COL5A1: variants seen among roughly 807,000 people sequenced by gnomAD.
The protein encoded by COL5A1 is collagen alpha-1(V) chain.
A neutral mutation model predicts 263.7 loss-of-function variants in COL5A1; 16 were observed. That is an observed-to-expected ratio of 0.06 (90% CI 0.04 to 0.09). The LOEUF is 0.09. Among genes scored for constraint, COL5A1 ranks in the 10% least tolerant of loss-of-function variants. The pLI is 1.00. For missense variants in COL5A1, 2,036 were observed against 2,540.5 expected, an observed-to-expected ratio of 0.80 and a Z score of 4.27; for synonymous variants, 1,012 against 1,004.5, an observed-to-expected ratio of 1.01 and a Z score of -0.14.
At position 134,835,040 on chromosome 9, in the gene COL5A1, G is replaced by A. The variant is rs753339980; in HGVS notation, c.5206G>A (p.Ala1736Thr). The change falls in exon 65 of 66, where the codon GCC (alanine) becomes ACC (threonine). Residue 1736 changes from alanine to threonine, a missense_variant. Physicochemically the swap from Ala to Thr is moderately conservative, Grantham distance 58 (BLOSUM62 0). This residue lies in a region of COL5A1 where 358 missense variants were observed against 384.6 expected (regional missense o/e 0.93). Coordinates refer to ENST00000371817, the MANE Select transcript of COL5A1 (RefSeq NM_000093.5). ...VQMTFLRLLS[A>T]SAHQNVTYHC... ...GATGACCTTCCTGCGGCTGCTGAGC[G>A]CCTCTGCCCACCAGAACGTCACCTA... 2.0e-5 allele frequency: 33 copies of A among 1,613,336 alleles called. No individual in the cohort carries two copies. Among genetic ancestry groups the A allele is most frequent in the Middle Eastern group, 1.6e-4 (1 of 6,084 alleles).
chr9:134,843,156 T>C lies in COL5A1; in HGVS notation c.*853T>C, dbSNP rs1588622680. ...AGACAGTTTTTGATTCGCTCTAGACTTTTTTTTTTTTTAATAGGGAAAAAA... is the reference window on the plus strand; with the variant it reads ...AGACAGTTTTTGATTCGCTCTAGACCTTTTTTTTTTTTAATAGGGAAAAAA... On this transcript the variant is annotated 3_prime_UTR_variant, in exon 66 of 66. Coordinates refer to ENST00000371817, the MANE Select transcript of COL5A1 (RefSeq NM_000093.5). 1.6e-5 allele frequency: 1 copy of C among 64,362 alleles called. No individual in the cohort carries two copies. Among genetic ancestry groups the C allele is most frequent in the Admixed American group, 1.2e-4 (1 of 8,174 alleles). 4.0% of individuals were successfully genotyped at this position (64,362 alleles called of 1,614,324 possible).
intron 14 of COL5A1, among the ~76,000 whole-genome samples, chr9:134,753,223 T>C (rs12685475): frequency 0.21 from 31,842 of 152,202 alleles, 3,523 homozygotes; most frequent in East Asian, 0.34. Flanking sequence ...CACCCGCCCC[T>C]GCCCTGTGGC....
intron 9 of COL5A1, among the ~76,000 whole-genome samples, chr9:134,734,090 C>T (rs765520075): frequency 2.0e-5 from 3 of 151,118 alleles, no homozygotes; most frequent in South Asian, 2.1e-4. Flanking sequence ...TGAGTGTAGA[C>T]GTGGTGTCTG....
At chr9:134,792,842 T>TGCGCGC in intron 32 of COL5A1, among the ~76,000 whole-genome samples, 1 of 150,322 alleles carries the variant, frequency 6.7e-6, no homozygotes, top group South Asian at 2.1e-4. Context: ...CATGTGTATG[T>TGCGCGC]GTGTGTGCGC....
At chr9:134,771,351 G>A (rs907495289) in intron 25 of COL5A1, among the ~76,000 whole-genome samples, 2 of 152,250 alleles carry the variant, frequency 1.3e-5, no homozygotes, top group Non-Finnish European at 2.9e-5. Context: ...GGTCCAGCCC[G>A]GCCACTCTGA....
intron 2 of COL5A1, among the ~76,000 whole-genome samples, chr9:134,698,736 G>T (rs907254823): frequency 3.3e-5 from 5 of 152,276 alleles, no homozygotes; most frequent in African/African-American, 9.6e-5. Flanking sequence ...AGGCGCTGCT[G>T]CCGCAGATCC....
At chr9:134,801,555 G>A (rs1300257922) in intron 37 of COL5A1, among the ~76,000 whole-genome samples, 1 of 152,260 alleles carries the variant, frequency 6.6e-6, no homozygotes, top group African/African-American at 2.4e-5. Context: ...TTGGGAGGCT[G>A]AGGCAGGTGG....
intron 4 of COL5A1, among the ~76,000 whole-genome samples, chr9:134,711,928 G>C (rs1355429586): frequency 6.6e-6 from 1 of 151,766 alleles, no homozygotes; most frequent in African/African-American, 2.4e-5. Context: ...TGGACTCCTG[G>C]GCCTGTCTGT....
rs188698028 is a variant in COL5A1 at position 134,830,877 on chromosome 9, A to G, written c.5136+833A>G. ...TCTGCCGCGTGGAGTGCCCCTAGGAACCCCACCGGAGTTTGATTTGGGCCC... is the reference window on the plus strand; with the variant it reads ...TCTGCCGCGTGGAGTGCCCCTAGGAGCCCCACCGGAGTTTGATTTGGGCCC... On this transcript the variant is annotated intron_variant, in intron 64 of 65. Coordinates refer to ENST00000371817, the MANE Select transcript of COL5A1 (RefSeq NM_000093.5). Among the ~76,000 whole-genome samples, 308 of 152,180 alleles carry G rather than the reference A, an allele frequency of 2.0e-3. 3 individuals are homozygous for G. Among genetic ancestry groups the G allele is most frequent in the African/African-American group, 7.2e-3 (298 of 41,522 alleles).
chr9:134,719,481 C>T (rs570426646), intron 4 of COL5A1, among the ~76,000 whole-genome samples: 10 of 152,372 alleles, frequency 6.6e-5, no homozygotes, highest in East Asian at 3.9e-4. Flanking sequence ...CAGATCCTGG[C>T]GCTTGGCCTG....
chr9:134,829,766 G>A (rs1389654134), intron 63 of COL5A1, among the ~76,000 whole-genome samples: 2 of 151,972 alleles, frequency 1.3e-5, no homozygotes, highest in African/African-American at 2.4e-5. Flanking sequence ...GACCTGGGCC[G>A]GGCTCATTCT....
chr9:134,744,417 A>G (rs1004559072), intron 11 of COL5A1, among the ~76,000 whole-genome samples: 1 of 152,058 alleles, frequency 6.6e-6, no homozygotes, highest in African/African-American at 2.4e-5. Flanking sequence ...GCACACATGT[A>G]CACACCCACA....
intron 9 of COL5A1, chr9:134,732,392 G>T (rs1015721749): frequency 5.1e-6 from 3 of 589,936 alleles, no homozygotes; most frequent in Non-Finnish European, 9.1e-6. Context: ...CAAGCTCTGG[G>T]CATCTCAGTG....
At chr9:134,810,446 A>G (rs1240763231) in intron 44 of COL5A1, 138 bp downstream of exon 44, 23 of 794,570 alleles carry the variant, frequency 2.9e-5, no homozygotes, top group Non-Finnish European at 3.5e-5. Context: ...TCTCCCGTGC[A>G]TGTGTGTTCC....
Position 134,642,698 on chromosome 9 carries a change from C to G in COL5A1, c.109+402C>G, listed in dbSNP as rs1048477613. On this transcript the variant is annotated intron_variant, in intron 1 of 65. Coordinates refer to ENST00000371817, the MANE Select transcript of COL5A1 (RefSeq NM_000093.5). This position sits in a 1 kb window ranked among gnomAD's most constrained non-coding sequence, Gnocchi z 4.5. ...TCCTCTGCTCCAAACCGGGCAGGGC[C>G]GCCCCCTAGAGTTACAGCCCTTCAA... Among the ~76,000 whole-genome samples the G allele has an allele frequency of 6.6e-6, 1 of 152,208 alleles. No individual in the cohort carries two copies. The highest frequency in any genetic ancestry group is 2.4e-5 in the African/African-American group (1 of 41,464).
rs539868704 is a variant in COL5A1 at position 134,765,832 on chromosome 9, G to C, written c.2088+98G>C. 129 of 1,015,438 alleles carry C rather than the reference G, an allele frequency of 1.3e-4. No individual in the cohort carries two copies. The East Asian group carries it at 2.9e-3, about 23-fold the overall frequency. 62.9% of individuals were successfully genotyped at this position (1,015,438 alleles called of 1,614,324 possible). On this transcript the variant is annotated intron_variant, in intron 21 of 65. Transcript: ENST00000371817. This position sits in a 1 kb window ranked among gnomAD's most constrained non-coding sequence, Gnocchi z 5.1. ...GCTTGGGCACTGGGGCAGCAAGTCC[G>C]TGCTGGCCCCTCTGGCGCCTGCCTG...
chr9:134,778,238 A>G (rs1482892273), intron 27 of COL5A1, among the ~76,000 whole-genome samples: 1 of 152,198 alleles, frequency 6.6e-6, no homozygotes, highest in Non-Finnish European at 1.5e-5. Flanking sequence ...CTAGGAAAAA[A>G]ACACCACCAA....
chr9:134,689,351 G>T (rs1178379435), intron 1 of COL5A1, among the ~76,000 whole-genome samples: 2 of 152,194 alleles, frequency 1.3e-5, no homozygotes, highest in Non-Finnish European at 2.9e-5. Context: ...GGGGAGGAGG[G>T]CCAGGCCAGA....
intron 25 of COL5A1, among the ~76,000 whole-genome samples, chr9:134,772,515 C>T (rs938582018): frequency 6.6e-6 from 1 of 152,226 alleles, no homozygotes; most frequent in Non-Finnish European, 1.5e-5. Flanking sequence ...GCATACTCCC[C>T]GCAAGTCTCT....
Sources: allele counts gnomAD v4.1 joint callset (sites outside exome capture counted in the v4.1 genomes callset), GRCh38; gene constraint gnomAD v4.1.1; regional missense constraint gnomAD v4.1.1; non-coding constraint Gnocchi (gnomAD v3.1); transcripts MANE v1.5; gene names NCBI Gene and HGNC (gene_info 2026-07-23, HGNC 2026-07-21).